The following NUP205 variants were observed in gnomAD, a reference collection of about 807,000 sequenced individuals.
NUP205 encodes the protein nuclear pore complex protein Nup205.
Under a neutral mutation model 253.8 loss-of-function variants are expected in NUP205, and 76 were observed. That is an observed-to-expected ratio of 0.30 (90% CI 0.25 to 0.36). The LOEUF is 0.36. Among genes scored for constraint, NUP205 ranks in the 10% least tolerant of loss-of-function variants. The pLI is 1.00. For missense variants in NUP205, 2,162 were observed against 2,425.5 expected, an observed-to-expected ratio of 0.89 and a Z score of 2.28; for synonymous variants, 832 against 850.1, an observed-to-expected ratio of 0.98 and a Z score of 0.37.
At chr7:135,570,789 T>A (rs28444589) in intron 1 of NUP205, among the ~76,000 whole-genome samples, 265 of 9,204 alleles carry the variant, frequency 0.029, 3 homozygotes, top group Non-Finnish European at 0.04. Context: ...TAATTATATT[T>A]ATATATTATA....
intron 26 of NUP205, 34 bp downstream of exon 26, chr7:135,617,281 T>G: frequency 6.3e-7 from 1 of 1,582,046 alleles, no homozygotes; most frequent in Non-Finnish European, 8.6e-7. Flanking sequence ...ATCTGCAGTG[T>G]CAAGTGGCTC....
At chr7:135,577,306 T>C (rs1210942700) in intron 5 of NUP205, among the ~76,000 whole-genome samples, 178 bp downstream of exon 5, 3 of 152,190 alleles carry the variant, frequency 2.0e-5, no homozygotes, top group African/African-American at 7.2e-5. Context: ...TACATATGTA[T>C]AGGGTACAGT....
chr7:135,572,694 G>A (rs1806031441), intron 2 of NUP205, among the ~76,000 whole-genome samples: 1 of 152,156 alleles, frequency 6.6e-6, no homozygotes, highest in Admixed American at 6.5e-5. Flanking sequence ...AGAGTAGCTG[G>A]ATTACAGGCG....
At position 135,614,191 on chromosome 7, in the gene NUP205, A is replaced by G. The variant is rs949823609; in HGVS notation, c.3228A>G (p.Thr1076=). Residue 1076 remains threonine, a synonymous_variant, in exon 23 of 43, where the codon ACA becomes ACG. Coordinates refer to ENST00000285968, the MANE Select transcript of NUP205 (RefSeq NM_015135.3). ...ATCAGTTATGTGCATGCTCTGATAC[A>G]TCTGGTCCTACTATGAGGTACTTGA... ...VIYQLCACSD[T]SGPTMRYLRT... 8 of 1,610,586 alleles carry G rather than the reference A, an allele frequency of 5.0e-6. No homozygotes were observed. In the African/African-American group the frequency reaches 1.1e-4, roughly 22 times the overall value.
intron 1 of NUP205, among the ~76,000 whole-genome samples, 186 bp from the exon 2 acceptor site, chr7:135,570,919 A>G (rs1288898227): frequency 9.8e-6 from 1 of 102,190 alleles, no homozygotes; most frequent in East Asian, 2.9e-4. Flanking sequence ...ATATATTAAT[A>G]TAATATAGTT....
At chr7:135,581,240 T>C (rs933359745) in intron 7 of NUP205, among the ~76,000 whole-genome samples, 2 of 152,198 alleles carry the variant, frequency 1.3e-5, no homozygotes, top group Non-Finnish European at 2.9e-5. Flanking sequence ...GTTTTTATTA[T>C]ATTATTCTAT....
intron 1 of NUP205, among the ~76,000 whole-genome samples, chr7:135,569,800 T>G (rs1299011352): frequency 6.6e-6 from 1 of 152,074 alleles, no homozygotes; most frequent in Non-Finnish European, 1.5e-5. Context: ...CTATGCTGTT[T>G]TATAATAGCC....
At chr7:135,583,547 G>A (rs1404132564) in intron 7 of NUP205, among the ~76,000 whole-genome samples, 1 of 152,092 alleles carries the variant, frequency 6.6e-6, no homozygotes, top group Non-Finnish European at 1.5e-5. Flanking sequence ...ATCACTTGAG[G>A]TCAGTAGTTC....
rs750452507 is a variant in NUP205, at chr7:135,606,822, A to G, written c.2977A>G (p.Thr993Ala). Residue 993 changes from threonine to alanine, a missense_variant, in exon 21 of 43, where the codon ACC (threonine) becomes GCC (alanine). Transcript: ENST00000285968. ...AATCCACATCTTGAATCTTCTCATT[A>G]CCTCTCTGGAATGCAATCCACCCAA... ...TRIHILNLLI[T>A]SLECNPPNLA... 4.3e-6 allele frequency: 7 copies of G among 1,613,286 alleles called. No homozygotes were observed. The South Asian group carries it at 7.7e-5, about 18-fold the overall frequency.
chr7:135,577,160 G>T (rs746168231), intron 5 of NUP205, 32 bp downstream of exon 5: 138 of 1,578,342 alleles, frequency 8.7e-5, no homozygotes, highest in Non-Finnish European at 1.2e-4. Flanking sequence ...TTCATGAGTT[G>T]TCTGTCAAAT....
chr7:135,576,356 A>C lies in NUP205; in HGVS notation c.430A>C (p.Asn144His). 6.2e-7 allele frequency: 1 copy of C among 1,613,988 alleles called. No homozygotes were observed. Among genetic ancestry groups the C allele is most frequent in the South Asian group, 1.1e-5 (1 of 91,076 alleles). Reference protein sequence around the residue: ...LYWDGKRCIANSLKALIQSRR... With the variant: ...LYWDGKRCIAHSLKALIQSRR... ...CTGGGATGGAAAGCGATGCATTGCG[A>C]ATTCCTTGAAAGCCTTGATACAGTC... Residue 144 changes from asparagine (N) to histidine (H), a missense_variant, in exon 4 of 43, where the codon AAT becomes CAT. Around this residue, in one of 5 missense-constraint regions of NUP205, gnomAD observed 892 missense variants for 957.1 expected, o/e 0.93. Coordinates refer to ENST00000285968, the MANE Select transcript of NUP205 (RefSeq NM_015135.3).
Position 135,606,897 on chromosome 7 carries a change from A to G in NUP205, c.3052A>G (p.Thr1018Ala), listed in dbSNP as rs1226880454. Residue 1018 changes from threonine (T) to alanine (A), a missense_variant, in exon 21 of 43, where the codon ACA becomes GCA. Physicochemically the swap from Thr to Ala is moderately conservative, Grantham distance 58. This residue lies in a region of NUP205 where 1,144 missense variants were observed against 1,280.9 expected (regional missense o/e 0.89). Transcript: ENST00000285968. ...GFELKKPVST[T>A]NLQDPGVLGC... is the part of the protein sequence containing the mutation. ...TGAATTGAAAAAACCTGTCAGTACTACAAACCTACAAGATCCAGGTATAGC... is the reference window on the plus strand; with the variant it reads ...TGAATTGAAAAAACCTGTCAGTACTGCAAACCTACAAGATCCAGGTATAGC... 6.2e-7 allele frequency: 1 copy of G among 1,613,874 alleles called. No individual in the cohort carries two copies. Among genetic ancestry groups the G allele is most frequent in the Non-Finnish European group, 8.5e-7 (1 of 1,179,928 alleles).
At chr7:135,576,184 A>G (rs1321367022) in intron 3 of NUP205, 86 bp from the exon 4 acceptor site, 2 of 1,180,858 alleles carry the variant, frequency 1.7e-6, no homozygotes, top group Non-Finnish European at 2.5e-6. Flanking sequence ...TGATTCTTTG[A>G]ACTGAACATT....
rs199575127 is a variant in NUP205, at chr7:135,618,608, C to T, written c.3963+5C>T. 5.8e-5 allele frequency: 92 copies of T among 1,574,552 alleles called. No individual in the cohort carries two copies. In the African/African-American group the frequency reaches 6.6e-4, roughly 11 times the overall value. ...TTACAAGATGTGCATGATAAGGTGA[C>T]GTACTTCCTAAAATACTTTATACTG... On this transcript the variant is annotated splice_donor_5th_base_variant and intron_variant, in intron 28 of 42. Coordinates refer to ENST00000285968, the MANE Select transcript of NUP205 (RefSeq NM_015135.3).
intron 36 of NUP205, among the ~76,000 whole-genome samples, chr7:135,636,188 G>A (rs538576909): frequency 1.3e-5 from 2 of 152,118 alleles, no homozygotes; most frequent in Non-Finnish European, 1.5e-5. Flanking sequence ...CTTTCTGGGA[G>A]CCTCTTGGCC....
intron 7 of NUP205, among the ~76,000 whole-genome samples, chr7:135,583,850 T>C (rs1027094096): frequency 2.6e-5 from 4 of 151,470 alleles, no homozygotes; most frequent in Non-Finnish European, 5.9e-5. Flanking sequence ...CTTTCTTTTT[T>C]TTTTTTTTTT....
At chr7:135,630,941 T>TG (rs1341476798) in intron 35 of NUP205, among the ~76,000 whole-genome samples, 3 of 151,780 alleles carry the variant, frequency 2.0e-5, no homozygotes, top group African/African-American at 7.3e-5. Context: ...TGTTTTGTTT[T>TG]TTTTTTTTAA....
intron 34 of NUP205, among the ~76,000 whole-genome samples, chr7:135,628,483 C>G (rs577926640): frequency 6.6e-6 from 1 of 152,110 alleles, no homozygotes; most frequent in African/African-American, 2.4e-5. Flanking sequence ...TGGTGGCTCA[C>G]GCCTGTAATC....
In NUP205 at chr7:135,630,761, C is replaced by A. The variant is rs113895151; in HGVS notation, c.5059+291C>A. On this transcript the variant is annotated intron_variant, in intron 35 of 42. Coordinates refer to ENST00000285968, the MANE Select transcript of NUP205 (RefSeq NM_015135.3). ...CAACATAGAGACACCCTGTCTCTAC[C>A]AAAAAATTTTAAAAATTAGCTGGGT... Among the ~76,000 whole-genome samples, 841 of 151,936 alleles carry A rather than the reference C, an allele frequency of 5.5e-3. 13 individuals carry two copies. The highest frequency in any genetic ancestry group is 0.05 in the East Asian group (257 of 5,150).
Sources: gnomAD v4.1 joint callset for allele counts (sites outside exome capture counted in the v4.1 genomes callset) on GRCh38, gnomAD v4.1.1 for gene constraint, gnomAD v4.1.1 regional missense constraint, MANE v1.5 for transcripts, NCBI Gene and HGNC (gene_info 2026-07-23, HGNC 2026-07-21) for gene names.